Variants in DISC1 observed in about 807,000 individuals in gnomAD.
DISC1 encodes the protein disrupted in schizophrenia 1 protein.
DISC1 carries 57 observed loss-of-function variants against 84.5 expected under a neutral mutation model. That is an observed-to-expected ratio of 0.67 (90% CI 0.55 to 0.84). The LOEUF is 0.84. DISC1 is among the 40% of genes least tolerant of loss of function. DISC1 has a pLI of 0.00. For missense variants in DISC1, 1,000 were observed against 1,057.8 expected (o/e 0.95, Z 0.76); for synonymous variants, 411 against 415.2 (o/e 0.99, Z 0.12).
chr1:231,744,280 A>G (rs1250637285), intron 3 of DISC1, among the ~76,000 whole-genome samples: 1 of 152,118 alleles, frequency 6.6e-6, no homozygotes, highest in African/African-American at 2.4e-5. Context: ...GGGCCCACCC[A>G]CTGCCCCAGG....
At chr1:231,943,155 T>C (rs2091444355) in intron 9 of DISC1, among the ~76,000 whole-genome samples, 1 of 152,266 alleles carries the variant, frequency 6.6e-6, no homozygotes, top group South Asian at 2.1e-4. Flanking sequence ...ATATAGCATG[T>C]TCTATTGTCC....
intron 1 of DISC1, among the ~76,000 whole-genome samples, chr1:231,642,098 G>T (rs998380738): frequency 1.3e-5 from 2 of 152,220 alleles, no homozygotes; most frequent in Non-Finnish European, 2.9e-5. Flanking sequence ...TGCCCCGCGG[G>T]AAGGCAGCCA....
chr1:231,761,670 C>T (rs1175276231), intron 4 of DISC1, among the ~76,000 whole-genome samples: 6 of 152,156 alleles, frequency 3.9e-5, no homozygotes, highest in East Asian at 1.9e-4. Context: ...ACTCTCATCC[C>T]GACCCAGATG....
intron 10 of DISC1, among the ~76,000 whole-genome samples, chr1:231,993,939 C>T (rs1418153231): frequency 3.3e-5 from 5 of 152,122 alleles, no homozygotes; most frequent in Admixed American, 3.3e-4. Context: ...AATTGTTATT[C>T]GAATTTTAAA....
At chr1:231,720,916 T>A (rs1295706608) in intron 3 of DISC1, 10 of 1,290,982 alleles carry the variant, frequency 7.7e-6, no homozygotes, top group Non-Finnish European at 1.0e-5. Context: ...ACTGCATTAA[T>A]AACCACAGGT....
intron 9 of DISC1, among the ~76,000 whole-genome samples, chr1:231,895,601 A>G (rs866959691): frequency 2.0e-5 from 3 of 146,742 alleles, no homozygotes; most frequent in African/African-American, 7.5e-5. Context: ...GATAAACTCT[A>G]TTATTCTTTA....
intron 10 of DISC1, among the ~76,000 whole-genome samples, chr1:231,983,469 G>A (rs1253494685): frequency 7.1e-6 from 1 of 141,700 alleles, no homozygotes; most frequent in Admixed American, 7.2e-5. Context: ...TGTAGGAGCA[G>A]GGTCTAGAGA....
intron 1 of DISC1, among the ~76,000 whole-genome samples, chr1:231,680,990 G>A (rs949530492): frequency 3.3e-5 from 5 of 152,164 alleles, no homozygotes; most frequent in African/African-American, 1.2e-4. Context: ...TTGTTTAGTT[G>A]TTTTGAAATA....
intron 6 of DISC1, among the ~76,000 whole-genome samples, chr1:231,782,852 G>C (rs1272460859): frequency 6.6e-6 from 1 of 152,096 alleles, no homozygotes; most frequent in African/African-American, 2.4e-5. Flanking sequence ...TGAGGTGGGA[G>C]AGTCACTTGA....
intron 3 of DISC1, among the ~76,000 whole-genome samples, chr1:231,726,843 A>T (rs2070786271): frequency 6.6e-6 from 1 of 152,150 alleles, no homozygotes; most frequent in African/African-American, 2.4e-5. Context: ...TAGAAATATC[A>T]TATCCATAAT....
chr1:231,874,195 G>A (rs1038389058), intron 9 of DISC1, among the ~76,000 whole-genome samples: 1 of 151,500 alleles, frequency 6.6e-6, no homozygotes, highest in African/African-American at 2.4e-5. Flanking sequence ...GTCTCACTCT[G>A]TCACCAGGCT....
intron 9 of DISC1, among the ~76,000 whole-genome samples, chr1:231,879,540 T>C (rs144610062): frequency 1.2e-4 from 18 of 151,704 alleles, no homozygotes; most frequent in African/African-American, 4.4e-4. Flanking sequence ...CAGGAGTGCC[T>C]GGAAGGACCT....
intron 3 of DISC1, among the ~76,000 whole-genome samples, chr1:231,720,580 T>A (rs966527694): frequency 6.6e-6 from 1 of 152,284 alleles, no homozygotes; most frequent in East Asian, 1.9e-4. Flanking sequence ...CCTCAAGCGA[T>A]CCTCCCACTT....
At chr1:232,021,400 T>C (rs1194214069) in intron 11 of DISC1, among the ~76,000 whole-genome samples, 1 of 151,650 alleles carries the variant, frequency 6.6e-6, no homozygotes, top group Non-Finnish European at 1.5e-5. Context: ...GCCTGTACTG[T>C]TCAATAACTT....
intron 9 of DISC1, among the ~76,000 whole-genome samples, chr1:231,849,781 A>G (rs1270607700): frequency 6.6e-6 from 1 of 152,196 alleles, no homozygotes; most frequent in African/African-American, 2.4e-5. Context: ...CACCACCATA[A>G]CACGTTGGTT....
intron 9 of DISC1, among the ~76,000 whole-genome samples, chr1:231,928,161 T>C (rs1047286358): frequency 6.6e-6 from 1 of 152,200 alleles, no homozygotes; most frequent in Non-Finnish European, 1.5e-5. Flanking sequence ...CTGAAAGGCA[T>C]AGAAAAGGAC....
intron 9 of DISC1, among the ~76,000 whole-genome samples, chr1:231,934,996 G>A (rs2090891622): frequency 6.6e-6 from 1 of 152,244 alleles, no homozygotes; most frequent in Non-Finnish European, 1.5e-5. Flanking sequence ...CTGAGCCAGA[G>A]AGATAAATGA....
rs1413004659 is a variant in DISC1, at chr1:231,905,834, G to T, written c.1982-52994G>T. On this transcript the variant is annotated intron_variant, in intron 9 of 12. Coordinates refer to ENST00000439617, the MANE Select transcript of DISC1 (RefSeq NM_018662.3). ...CATTATTGATTTCCTGATTTTGATG[G>T]TTATATTGTGGTTATTTAGGAAAAT... Among the ~76,000 whole-genome samples the T allele has an allele frequency of 2.0e-5, 3 of 152,020 alleles. No individual in the cohort carries two copies. In the East Asian group the frequency reaches 5.8e-4, roughly 30 times the overall value.
chr1:231,924,474 G>T (rs1297756666), intron 9 of DISC1, among the ~76,000 whole-genome samples: 1 of 152,134 alleles, frequency 6.6e-6, no homozygotes. Context: ...AGTGTGTTGG[G>T]GGTGGGTGTG....
Sources: allele counts gnomAD v4.1 joint callset (sites outside exome capture counted in the v4.1 genomes callset), GRCh38; gene constraint gnomAD v4.1.1; transcripts MANE v1.5; gene names NCBI Gene and HGNC (gene_info 2026-07-23, HGNC 2026-07-21).